Variants in IP6K3 observed in about 807,000 individuals in gnomAD.
The protein encoded by IP6K3 is inositol hexakisphosphate kinase 3, also known as ATP:1D-myo-inositol-hexakisphosphate phosphotransferase.
Under a neutral mutation model 28.8 loss-of-function variants are expected in IP6K3, and 20 were observed. That is an observed-to-expected ratio of 0.70 (90% confidence interval 0.49 to 1.01). IP6K3 has a LOEUF of 1.01. Among genes scored for constraint, IP6K3 ranks in the 50% least tolerant of loss-of-function variants. The pLI is 0.00. For missense variants in IP6K3, 480 were observed against 537.1 expected (o/e 0.89, Z 1.05); for synonymous variants, 213 against 221.3 (o/e 0.96, Z 0.33).
rs1766830926 is a variant in IP6K3 at position 33,744,298 on chromosome 6, C to G, written c.-180+2460G>C. Among the ~76,000 whole-genome samples, 1 of 152,176 alleles carries G rather than the reference C, an allele frequency of 6.6e-6. No homozygotes were observed. The highest frequency in any genetic ancestry group is 2.4e-5 in the African/African-American group (1 of 41,440). ...CATTTCCCAGCCTCCAACACCCTGC[C>G]CCACACCTGCTGCCTTCCTCTAAGT... is the stretch of plus-strand genomic sequence containing the variant. On this transcript the variant is annotated intron_variant, in intron 1 of 5. Coordinates refer to ENST00000293756, the MANE Select transcript of IP6K3 (RefSeq NM_054111.5). This position sits in a 1 kb window ranked among gnomAD's most constrained non-coding sequence, Gnocchi z 4.4.
rs1766745241 is a variant in IP6K3, at chr6:33,742,012, G to C, written c.-180+4746C>G. Among the ~76,000 whole-genome samples the C allele has an allele frequency of 1.3e-5, 2 of 151,438 alleles. No individual in the cohort carries two copies. The highest frequency in any genetic ancestry group is 2.9e-5 in the Non-Finnish European group (2 of 67,914). ...AAACAAAGCAACTTCACTTGAGTCA[G>C]GTACTCAAATAGTTCATTGCACAAA... On this transcript the variant is annotated intron_variant, in intron 1 of 5. Coordinates refer to ENST00000293756, the MANE Select transcript of IP6K3 (RefSeq NM_054111.5). This position sits in a 1 kb window ranked among gnomAD's most constrained non-coding sequence, Gnocchi z 4.5.
chr6:33,727,560 C>T (rs1766164052), intron 3 of IP6K3, among the ~76,000 whole-genome samples: 1 of 152,170 alleles, frequency 6.6e-6, no homozygotes, highest in African/African-American at 2.4e-5. Context: ...GCCTTTTCAC[C>T]TGAGAAAGGT....
intron 1 of IP6K3, chr6:33,739,044 C>G (rs935203400): frequency 7.2e-5 from 11 of 152,204 alleles, no homozygotes; most frequent in East Asian, 1.9e-4. Flanking sequence ...CAGTGAGACC[C>G]GAGAGGCACT....
At chr6:33,761,311 C>T in the IP6K3 span, among the ~76,000 whole-genome samples, 5 of 152,176 alleles carry the variant, frequency 3.3e-5, no homozygotes, top group East Asian at 9.7e-4. Context: ...GCCTTCAGCC[C>T]GTCCCCTTCT....
chr6:33,757,130 A>T, the IP6K3 span, among the ~76,000 whole-genome samples: 1 of 152,170 alleles, frequency 6.6e-6, no homozygotes, highest in Admixed American at 6.5e-5. Context: ...TCATGCCCCA[A>T]CCCAGGCTGT....
chr6:33,743,358 C>T lies in IP6K3; in HGVS notation c.-180+3400G>A, dbSNP rs527652446. Among the ~76,000 whole-genome samples, 5 of 152,378 alleles carry T rather than the reference C, an allele frequency of 3.3e-5. No homozygotes were observed. The East Asian group carries it at 7.7e-4, about 24-fold the overall frequency. On this transcript the variant is annotated intron_variant, in intron 1 of 5. Transcript: ENST00000293756. ...CTCTCACCTCTGAAGCTCTAACTTACATTTCACAGGTCTCTCGGAGCCAGA... is the reference window on the plus strand; with the variant it reads ...CTCTCACCTCTGAAGCTCTAACTTATATTTCACAGGTCTCTCGGAGCCAGA...
intron 2 of IP6K3, among the ~76,000 whole-genome samples, chr6:33,733,231 A>G (rs1424138565): frequency 6.6e-6 from 1 of 152,246 alleles, no homozygotes; most frequent in Non-Finnish European, 1.5e-5. Context: ...TATGGATACA[A>G]TTAGCTCTGA....
chr6:33,751,697 G>T (rs1767024991), upstream of IP6K3, among the ~76,000 whole-genome samples: 1 of 152,174 alleles, frequency 6.6e-6, no homozygotes, highest in Admixed American at 6.5e-5. This position sits in a 1 kb window ranked among gnomAD's most constrained non-coding sequence, Gnocchi z 4.3. Flanking sequence ...TCATTTCACA[G>T]CAGAGGAAAC....
At chr6:33,725,079 A>G (rs986049836) in intron 5 of IP6K3, among the ~76,000 whole-genome samples, 1 of 151,984 alleles carries the variant, frequency 6.6e-6, no homozygotes, top group Admixed American at 6.6e-5. Flanking sequence ...AACACAAAAA[A>G]TTAGCCAGGC....
intron 1 of IP6K3, among the ~76,000 whole-genome samples, chr6:33,739,482 G>A (rs1169375173): frequency 6.6e-6 from 1 of 152,186 alleles, no homozygotes; most frequent in African/African-American, 2.4e-5. Flanking sequence ...TGGGCAGGGT[G>A]GGTTTCGCCG....
the IP6K3 span, among the ~76,000 whole-genome samples, chr6:33,756,049 A>G: frequency 1.3e-5 from 2 of 152,098 alleles, no homozygotes; most frequent in Non-Finnish European, 2.9e-5. Context: ...TTTTTAGTAG[A>G]GACAGGGTTT....
chr6:33,747,087 G>A (rs569256994), upstream of IP6K3, among the ~76,000 whole-genome samples: 300 of 152,260 alleles, frequency 2.0e-3, 1 homozygote, highest in Non-Finnish European at 3.8e-3. The surrounding 1 kb of genome is among the most constrained non-coding windows in gnomAD (Gnocchi z 5.2). Flanking sequence ...AGGAGGAAAG[G>A]AGGACTGGTC....
chr6:33,735,543 G>A lies in IP6K3; in HGVS notation c.-67C>T. 5.7e-6 allele frequency: 9 copies of A among 1,569,716 alleles called. No homozygotes were observed. The highest frequency in any genetic ancestry group is 7.7e-6 in the Non-Finnish European group (9 of 1,163,756). On this transcript the variant is annotated 5_prime_UTR_variant, in exon 2 of 6. Transcript: ENST00000293756. ...TAGAGGAAGGTTTGAAGTAGAAAGG[G>A]CAGCTCCCAACAGCACACGGGGCTG...
intron 1 of IP6K3, among the ~76,000 whole-genome samples, chr6:33,741,061 G>A (rs1047645110): frequency 5.3e-5 from 8 of 152,190 alleles, no homozygotes; most frequent in Admixed American, 2.0e-4. Flanking sequence ...CCAGCATCAC[G>A]TGGGTGGGTG....
At chr6:33,751,023 G>C (rs1052583135), upstream of IP6K3, among the ~76,000 whole-genome samples, 2 of 152,164 alleles carry the variant, frequency 1.3e-5, no homozygotes, top group Non-Finnish European at 1.5e-5. This position sits in a 1 kb window ranked among gnomAD's most constrained non-coding sequence, Gnocchi z 4.3. Flanking sequence ...CTGCACCCCA[G>C]CTTGGCATAG....
chr6:33,746,575 C>T lies in IP6K3; in HGVS notation c.-180+183G>A, dbSNP rs1766918962. On this transcript the variant is annotated intron_variant, in intron 1 of 5. Transcript: ENST00000293756. The surrounding 1 kb of genome is among the most constrained non-coding windows in gnomAD (Gnocchi z 6.5). ...CGCCCTACCCCACCCCCGCCACACACAGATGGACAGACCTCCACGAAGACG... is the reference window on the plus strand; with the variant it reads ...CGCCCTACCCCACCCCCGCCACACATAGATGGACAGACCTCCACGAAGACG... The T allele has an allele frequency of 6.6e-6, 1 of 152,270 alleles. No homozygotes were observed. Among genetic ancestry groups the T allele is most frequent in the African/African-American group, 2.4e-5 (1 of 41,392 alleles). 9.4% of individuals were successfully genotyped at this position (152,270 alleles called of 1,614,324 possible).
In IP6K3 at chr6:33,742,663, T is replaced by C. The variant is rs1766769718; in HGVS notation, c.-180+4095A>G. Among the ~76,000 whole-genome samples, 1 of 152,216 alleles carries C rather than the reference T, an allele frequency of 6.6e-6. No homozygotes were observed. The highest frequency in any genetic ancestry group is 2.4e-5 in the African/African-American group (1 of 41,460). ...GTAAATATGTTGGTAATTAACAAAA[T>C]ACAAATTCATTTAAAGGCATTATTG... On this transcript the variant is annotated intron_variant, in intron 1 of 5. Transcript: ENST00000293756. This position sits in a 1 kb window ranked among gnomAD's most constrained non-coding sequence, Gnocchi z 4.5.
chr6:33,755,665 C>G, the IP6K3 span, among the ~76,000 whole-genome samples: 1 of 152,218 alleles, frequency 6.6e-6, no homozygotes, highest in African/African-American at 2.4e-5. Context: ...GTACAGGCTG[C>G]CTGCCACACC....
chr6:33,726,490 C>T (rs1042477544), intron 4 of IP6K3, among the ~76,000 whole-genome samples: 2 of 152,224 alleles, frequency 1.3e-5, no homozygotes, highest in Non-Finnish European at 2.9e-5. Context: ...CAGGGCACTG[C>T]GCTCAGTATA....
Sources: gnomAD v4.1 joint callset for allele counts (sites outside exome capture counted in the v4.1 genomes callset) on GRCh38, gnomAD v4.1.1 for gene constraint, Gnocchi (gnomAD v3.1) non-coding constraint, MANE v1.5 for transcripts, NCBI Gene and HGNC (gene_info 2026-07-23, HGNC 2026-07-21) for gene names.